Variants in NEK5 observed in about 807,000 individuals in gnomAD.
NEK5 encodes the protein NIMA related kinase 5.
NEK5 carries 88 observed loss-of-function variants against 109.2 expected under a neutral mutation model. The observed-to-expected ratio is 0.81, with a 90% CI of 0.68 to 0.96. The LOEUF (loss-of-function observed/expected upper bound fraction) is 0.96. Ranked by LOEUF, NEK5 falls within the 40% of genes least tolerant of loss-of-function variation. NEK5 has a pLI of 0.00. For synonymous variants in NEK5, 283 were observed against 299.9 expected (o/e 0.94, Z 0.58); for missense variants, 834 against 920.7 (o/e 0.91, Z 1.22).
chr13:52,065,432 T>TA, intron 21 of NEK5, 52 bp downstream of exon 21: 1 of 1,613,530 alleles, frequency 6.2e-7, no homozygotes, highest in South Asian at 1.1e-5. Flanking sequence ...CACTGGGCTG[T>TA]ACGGGTCCTT....
chr13:52,055,064 G>C (rs961529720), intron 22 of NEK5, among the ~76,000 whole-genome samples: 1 of 152,266 alleles, frequency 6.6e-6, no homozygotes, highest in South Asian at 2.1e-4. Flanking sequence ...AAATTTAGAA[G>C]AATGTATGAC....
intron 18 of NEK5, 111 bp from the exon 19 acceptor site, chr13:52,075,937 C>T (rs1330544251): frequency 1.1e-6 from 1 of 909,190 alleles, no homozygotes; most frequent in Admixed American, 3.0e-5. Flanking sequence ...AACCATTGGT[C>T]TCATATCACA....
chr13:52,055,893 C>T (rs1282689494), intron 22 of NEK5, among the ~76,000 whole-genome samples: 2 of 151,436 alleles, frequency 1.3e-5, no homozygotes, highest in South Asian at 2.1e-4. Context: ...CACCAACTAA[C>T]GAGCGAAATA....
At chr13:52,081,496 C>CT (rs1286526299) in intron 17 of NEK5, among the ~76,000 whole-genome samples, 4 of 152,044 alleles carry the variant, frequency 2.6e-5, no homozygotes, top group African/African-American at 9.7e-5. Context: ...TTTCAGATGG[C>CT]TTTTTTGTTT....
intron 4 of NEK5, among the ~76,000 whole-genome samples, chr13:52,116,666 G>A (rs973174528): frequency 6.6e-6 from 1 of 152,132 alleles, no homozygotes; most frequent in Non-Finnish European, 1.5e-5. Flanking sequence ...ATAATAAATA[G>A]GTGTTGTTGT....
rs143174069 is a variant in NEK5 at position 52,125,005 on chromosome 13, G to A, written c.117+2361C>T. 7.2e-3 allele frequency among the ~76,000 whole-genome samples: 1,093 copies of A among 152,274 alleles called. 18 individuals carry two copies. The highest frequency in any genetic ancestry group is 0.025 in the African/African-American group (1,056 of 41,554). Reference sequence around the variant, plus strand: ...GTGGAGAAGGAATAAGCTCACAAACGATCCCAAGGTTTTCAGGCTGGCAAC... The same window carrying A: ...GTGGAGAAGGAATAAGCTCACAAACAATCCCAAGGTTTTCAGGCTGGCAAC... On this transcript the variant is annotated intron_variant, in intron 3 of 23. Coordinates refer to ENST00000684899, the MANE Select transcript of NEK5 (RefSeq NM_001365552.1).
chr13:52,036,438 C>T lies in NEK5; in HGVS notation c.*510G>A, dbSNP rs1954362155. On this transcript the variant is annotated 3_prime_UTR_variant, in exon 24 of 24. Coordinates refer to ENST00000684899, the MANE Select transcript of NEK5 (RefSeq NM_001365552.1). ...GGGGGCATTGAGCCACATTACTCTG[C>T]CTACCACATATATTAGCTGAAAGCT... 1 of 152,222 alleles carries T rather than the reference C, an allele frequency of 6.6e-6. No homozygotes were observed. Among genetic ancestry groups the T allele is most frequent in the African/African-American group, 2.4e-5 (1 of 41,428 alleles). 9.4% of individuals were successfully genotyped at this position (152,222 alleles called of 1,614,324 possible).
At chr13:52,083,194 G>A in intron 17 of NEK5, 66 bp downstream of exon 17, 2 of 1,102,544 alleles carry the variant, frequency 1.8e-6, no homozygotes, top group Middle Eastern at 2.0e-4. Context: ...ACAGAGAAGG[G>A]TAAGAGCCAC....
chr13:52,060,335 T>C (rs1209475739), intron 22 of NEK5, among the ~76,000 whole-genome samples: 1 of 152,148 alleles, frequency 6.6e-6, no homozygotes, highest in Non-Finnish European at 1.5e-5. Context: ...GTTTTTGTAG[T>C]GGTAATTAAC....
At chr13:52,074,807 G>C (rs552867540) in intron 19 of NEK5, among the ~76,000 whole-genome samples, 1 of 152,114 alleles carries the variant, frequency 6.6e-6, no homozygotes, top group South Asian at 2.1e-4. Flanking sequence ...TTTTAAAGTG[G>C]ACAAAAGATA....
chr13:52,073,595 G>A (rs1486271313), intron 19 of NEK5, among the ~76,000 whole-genome samples: 1 of 152,078 alleles, frequency 6.6e-6, no homozygotes, highest in Non-Finnish European at 1.5e-5. Flanking sequence ...GATTACAGCT[G>A]TGAGCCACCG....
At chr13:52,105,370 T>C (rs1955630817) in intron 8 of NEK5, among the ~76,000 whole-genome samples, 1 of 151,354 alleles carries the variant, frequency 6.6e-6, no homozygotes, top group African/African-American at 2.4e-5. Context: ...GGAAACAAAT[T>C]TGTGGGATTT....
Position 52,061,957 on chromosome 13 carries a change from A to G in NEK5, c.1976-4T>C. 3.8e-6 allele frequency: 2 copies of G among 524,560 alleles called. No individual in the cohort carries two copies. The highest frequency in any genetic ancestry group is 4.9e-6 in the Non-Finnish European group (2 of 408,314). The allele number at this position is 524,560 out of a possible 1,614,324, so 32.5% of individuals were successfully genotyped here. A position where few individuals can be genotyped will look rare whatever the true frequency, so the allele number is the denominator to read the frequency against. ...TCAATCACAATAACTTGGCCATCTG[A>G]AGAGGAAAGTGTTATTAAAAATAAA... On this transcript the variant is annotated splice_polypyrimidine_tract_variant and splice_region_variant and intron_variant, in intron 21 of 23. Transcript: ENST00000684899.
chr13:52,100,897 T>G (rs1420959336), intron 11 of NEK5, among the ~76,000 whole-genome samples: 2 of 152,186 alleles, frequency 1.3e-5, no homozygotes, highest in Non-Finnish European at 2.9e-5. Context: ...GATTTTAGAA[T>G]CTCTGTCTCA....
Position 52,102,106 on chromosome 13 carries a change from A to C in NEK5, c.796T>G (p.Tyr266Asp). The C allele has an allele frequency of 6.2e-7, 1 of 1,613,966 alleles. No homozygotes were observed. Among genetic ancestry groups the C allele is most frequent in the Non-Finnish European group, 8.5e-7 (1 of 1,179,842 alleles). Residue 266 changes from tyrosine (Y) to aspartate (D), a missense_variant, in exon 10 of 24, where the codon TAT (tyrosine) becomes GAT (aspartate). Tyr to Asp is a radical substitution (Grantham distance 160). This residue lies in a region of NEK5 where 777 missense variants were observed against 824.7 expected (regional missense o/e 0.94). Transcript: ENST00000684899. The stretch of plus-strand genomic sequence containing the variant: ...TCAAAACTTACCTCAGGAGTCAAAT[A>C]TTTGGGAATAAGATTCTCTAAAAAG... ...RPFLENLIPK[Y>D]LTPEVIQEEF...
intron 20 of NEK5, 62 bp downstream of exon 20, chr13:52,071,882 G>A (rs1954790059): frequency 1.3e-6 from 2 of 1,504,080 alleles, no homozygotes; most frequent in Admixed American, 1.7e-5. Flanking sequence ...TGGGGACAGA[G>A]TTCAAAATGG....
intron 1 of NEK5, among the ~76,000 whole-genome samples, chr13:52,128,401 A>C (rs1012702228): frequency 6.6e-6 from 1 of 151,854 alleles, no homozygotes; most frequent in South Asian, 2.1e-4. Flanking sequence ...ACTTCTCTAC[A>C]TTTTCCAAGG....
chr13:52,054,453 T>G lies in NEK5; in HGVS notation c.2111-4232A>C, dbSNP rs565326410. 6.6e-5 allele frequency among the ~76,000 whole-genome samples: 10 copies of G among 152,352 alleles called. 1 individual carries two copies. Among genetic ancestry groups the G allele is most frequent in the African/African-American group, 2.4e-4 (10 of 41,590 alleles). On this transcript the variant is annotated intron_variant, in intron 22 of 23. Transcript: ENST00000684899. Reference sequence around the variant, plus strand: ...CTCCTGCCTCAGCCTCCCAAAGGGCTGGGATTACAGGCATGAGCCTGGCCA... The same window carrying G: ...CTCCTGCCTCAGCCTCCCAAAGGGCGGGGATTACAGGCATGAGCCTGGCCA...
chr13:52,081,842 GA>G (rs562727940), intron 17 of NEK5, among the ~76,000 whole-genome samples: 58 of 152,294 alleles, frequency 3.8e-4, no homozygotes, highest in Non-Finnish European at 7.5e-4. Context: ...AAAAATGTGA[GA>G]GAAAAACATG....
Sources: gnomAD v4.1 joint callset for allele counts (sites outside exome capture counted in the v4.1 genomes callset) on GRCh38, gnomAD v4.1.1 for gene constraint, gnomAD v4.1.1 regional missense constraint, MANE v1.5 for transcripts, NCBI Gene and HGNC (gene_info 2026-07-23, HGNC 2026-07-21) for gene names.